ATP6V0E2: variants seen among roughly 807,000 people sequenced by gnomAD.
ATP6V0E2 encodes the protein ATPase H+ transporting V0 subunit e2, also known as V-type proton ATPase subunit e 2.
Under a neutral mutation model 11.5 loss-of-function variants are expected in ATP6V0E2, and 4 were observed. That is an observed-to-expected ratio of 0.35 (90% confidence interval 0.17 to 0.80). The LOEUF is 0.80. ATP6V0E2 is among the 30% of genes least tolerant of loss of function. The pLI, the probability that ATP6V0E2 is intolerant of heterozygous loss-of-function variation, is 0.53. For missense variants in ATP6V0E2, 93 were observed against 113.5 expected (o/e 0.82, Z 0.82); for synonymous variants, 52 against 51.0 (o/e 1.02, Z -0.09).
Position 149,879,704 on chromosome 7 carries a change from G to A in ATP6V0E2, c.*389G>A. 1 of 1,376,378 alleles carries A rather than the reference G, an allele frequency of 7.3e-7. No homozygotes were observed. 85.3% of individuals were successfully genotyped at this position (1,376,378 alleles called of 1,614,324 possible). A position where few individuals can be genotyped will look rare whatever the true frequency, so the allele number is the denominator to read the frequency against. On this transcript the variant is annotated 3_prime_UTR_variant, in exon 4 of 4. Transcript: ENST00000425642. Reference sequence around the variant, plus strand: ...GAGGACACGTGTCCTCATGGAGAGGGTGCTCCGGCCCAGGCGGGGGAGTCA... The same window carrying A: ...GAGGACACGTGTCCTCATGGAGAGGATGCTCCGGCCCAGGCGGGGGAGTCA...
rs371176177 is a variant in ATP6V0E2, at chr7:149,874,123, G to A, written c.58G>A (p.Val20Ile). Residue 20 changes from valine (V) to isoleucine (I), a missense_variant, in exon 1 of 4, where the codon GTC becomes ATC. By Grantham distance (29) the Val-to-Ile change is conservative (BLOSUM62 3). Transcript: ENST00000425642. ...VIIFTTFWGL[V>I]GIAGPWFVPK... is the part of the protein sequence containing the mutation. ...CATCTTCACCACGTTCTGGGGCCTC[G>A]TCGGCATCGCCGGGCCCTGGTTCGT... The A allele has an allele frequency of 1.9e-6, 3 of 1,549,924 alleles. No individual in the cohort carries two copies. Among genetic ancestry groups the A allele is most frequent in the Non-Finnish European group, 2.6e-6 (3 of 1,146,590 alleles).
chr7:149,873,668 A>G, upstream of ATP6V0E2: 1 of 402,812 alleles, frequency 2.5e-6, no homozygotes, highest in Non-Finnish European at 4.2e-6. Flanking sequence ...GCGGCGCGTG[A>G]AGGGCAGGGG....
In ATP6V0E2 at chr7:149,879,399, C is replaced by T. The variant is rs757772874; in HGVS notation, c.*84C>T. ...GACAACCCCTTCGTCCGGACCCTCC[C>T]CCACACAACTATGTCTGGTCACCAG... On this transcript the variant is annotated 3_prime_UTR_variant, in exon 4 of 4. Transcript: ENST00000425642. 6.2e-7 allele frequency: 1 copy of T among 1,600,774 alleles called. No individual in the cohort carries two copies. The highest frequency in any genetic ancestry group is 2.3e-5 in the East Asian group (1 of 43,730).
chr7:149,879,212 G>GAGGGAGGGAA, intron 3 of ATP6V0E2, 123 bp from the exon 4 acceptor site: 1 of 1,399,986 alleles, frequency 7.1e-7, no homozygotes, highest in African/African-American at 1.4e-5. Context: ...AACCTGGACG[G>GAGGGAGGGAA]AGGGAGGGAA....
chr7:149,873,912 T>C (rs777572488), upstream of ATP6V0E2: 12 of 1,517,444 alleles, frequency 7.9e-6, no homozygotes, highest in Admixed American at 2.5e-4. Flanking sequence ...GCGGGCTGGA[T>C]CAGGAGATGC....
chr7:149,873,925 G>C (rs771558459), upstream of ATP6V0E2: 49 of 1,525,306 alleles, frequency 3.2e-5, no homozygotes, highest in Non-Finnish European at 4.2e-5. Flanking sequence ...GGAGATGCGC[G>C]TGCGCGGCCC....
chr7:149,873,998 G>T lies in ATP6V0E2; in HGVS notation c.-68G>T. ...CGCATGCTCAGCGCGCTGCCCGGCT[G>T]GGGACCCGCGCACCTGCAGCGCCCG... On this transcript the variant is annotated 5_prime_UTR_variant, in exon 1 of 4. Transcript: ENST00000425642. 1 of 1,545,544 alleles carries T rather than the reference G, an allele frequency of 6.5e-7. No homozygotes were observed. The highest frequency in any genetic ancestry group is 8.7e-7 in the Non-Finnish European group (1 of 1,145,634).
chr7:149,878,319 C>T (rs1219750795), intron 2 of ATP6V0E2, among the ~76,000 whole-genome samples: 3 of 152,110 alleles, frequency 2.0e-5, no homozygotes, highest in Admixed American at 6.5e-5. Context: ...CCTGTTCGCT[C>T]CCTGGTGCAT....
chr7:149,877,176 C>T (rs949652611), intron 2 of ATP6V0E2, among the ~76,000 whole-genome samples: 2 of 152,234 alleles, frequency 1.3e-5, no homozygotes, highest in Admixed American at 6.5e-5. Flanking sequence ...CAGGTGCACA[C>T]CATTGCACCC....
rs762329225 is a variant in ATP6V0E2 at position 149,879,614 on chromosome 7, G to A, written c.*299G>A. On this transcript the variant is annotated 3_prime_UTR_variant, in exon 4 of 4. Coordinates refer to ENST00000425642, the MANE Select transcript of ATP6V0E2 (RefSeq NM_145230.4). ...TTTCCCAAGGAGATGCTGCTGGGGAGCTGGTATGGGTGGGGTCTTTCCCTT... is the reference window on the plus strand; with the variant it reads ...TTTCCCAAGGAGATGCTGCTGGGGAACTGGTATGGGTGGGGTCTTTCCCTT... 2 of 1,473,576 alleles carry A rather than the reference G, an allele frequency of 1.4e-6. No individual in the cohort carries two copies. The highest frequency in any genetic ancestry group is 1.8e-6 in the Non-Finnish European group (2 of 1,109,792). The allele number at this position is 1,473,576 out of a possible 1,614,324, so 91.3% of individuals were successfully genotyped here. A position where few individuals can be genotyped will look rare whatever the true frequency, so the allele number is the denominator to read the frequency against.
intron 1 of ATP6V0E2, among the ~76,000 whole-genome samples, chr7:149,874,382 G>T (rs762040992): frequency 9.2e-5 from 14 of 152,174 alleles, no homozygotes; most frequent in Non-Finnish European, 1.8e-4. Flanking sequence ...TATCCAGAAG[G>T]TAAAGAGGAG....
rs1269553151 is a variant in ATP6V0E2 at position 149,880,144 on chromosome 7, A to AG, written c.*833dup. On this transcript the variant is annotated 3_prime_UTR_variant, in exon 4 of 4. Transcript: ENST00000425642. ...TAAGTGACCAGAGCTGGGATGAGAG[A>AG]GGGGAAGGGGCAATGTGAGTGGCGC... 6.5e-6 allele frequency: 1 copy of AG among 153,682 alleles called. No homozygotes were observed. Among genetic ancestry groups the AG allele is most frequent in the Non-Finnish European group, 1.4e-5 (1 of 69,206 alleles). 9.5% of individuals were successfully genotyped at this position (153,682 alleles called of 1,614,324 possible). A position where few individuals can be genotyped will look rare whatever the true frequency, so the allele number is the denominator to read the frequency against.
chr7:149,873,949 G>C (rs986705207), upstream of ATP6V0E2: 7 of 1,542,120 alleles, frequency 4.5e-6, no homozygotes, highest in African/African-American at 4.1e-5. Context: ...CCGGCTGATC[G>C]CTTCGGGTGC....
rs937695193 is a variant in ATP6V0E2 at position 149,879,841 on chromosome 7, A to T, written c.*526A>T. On this transcript the variant is annotated 3_prime_UTR_variant, in exon 4 of 4. Coordinates refer to ENST00000425642, the MANE Select transcript of ATP6V0E2 (RefSeq NM_145230.4). Reference sequence around the variant, plus strand: ...GAATTGTTAATTTTCTGACACGTCTAGATGTGAAATTTCTGAAAATGTTGA... The same window carrying T: ...GAATTGTTAATTTTCTGACACGTCTTGATGTGAAATTTCTGAAAATGTTGA... 2.1e-6 allele frequency: 1 copy of T among 466,366 alleles called. No homozygotes were observed. Among genetic ancestry groups the T allele is most frequent in the Non-Finnish European group, 3.5e-6 (1 of 283,828 alleles). The allele number at this position is 466,366 out of a possible 1,614,324, so 28.9% of individuals were successfully genotyped here. A position where few individuals can be genotyped will look rare whatever the true frequency, so the allele number is the denominator to read the frequency against.
intron 2 of ATP6V0E2, among the ~76,000 whole-genome samples, chr7:149,876,371 G>A (rs562919814): frequency 1.3e-4 from 20 of 151,972 alleles, no homozygotes; most frequent in African/African-American, 4.3e-4. Flanking sequence ...GTGAGACTCC[G>A]ACTCTAAAAA....
At chr7:149,877,563 C>CTT (rs11334520) in intron 2 of ATP6V0E2, among the ~76,000 whole-genome samples, 10,036 of 141,160 alleles carry the variant, frequency 0.071, 633 homozygotes, top group African/African-American at 0.17. Flanking sequence ...CTTAAACCCA[C>CTT]TTTTTTTTTT....
intron 1 of ATP6V0E2, among the ~76,000 whole-genome samples, chr7:149,875,337 A>G (rs1803068862): frequency 6.6e-6 from 1 of 152,206 alleles, no homozygotes; most frequent in Non-Finnish European, 1.5e-5. Flanking sequence ...ATTGGGTGGT[A>G]GAGAAGGGAA....
At chr7:149,879,048 TGAAAA>T (rs1803306549) in intron 3 of ATP6V0E2, 4 of 1,358,182 alleles carry the variant, frequency 2.9e-6, no homozygotes, top group Non-Finnish European at 3.9e-6. Flanking sequence ...ATTTATTTCA[TGAAAA>T]GAAAAGGTGG....
intron 3 of ATP6V0E2, 29 bp from the exon 4 acceptor site, chr7:149,879,306 G>A (rs1034839531): frequency 4.7e-6 from 7 of 1,487,022 alleles, no homozygotes; most frequent in African/African-American, 1.4e-5. Context: ...CTGCAAGGCC[G>A]GGACCCTTCC....
Sources: allele counts gnomAD v4.1 joint callset (sites outside exome capture counted in the v4.1 genomes callset), GRCh38; gene constraint gnomAD v4.1.1; transcripts MANE v1.5; gene names NCBI Gene and HGNC (gene_info 2026-07-23, HGNC 2026-07-21).